HSH2D: variants seen among roughly 807,000 people sequenced by gnomAD.
HSH2D encodes hematopoietic SH2 domain containing.
Under a neutral mutation model 21.5 loss-of-function variants are expected in HSH2D, and 16 were observed. The ratio of observed to expected loss-of-function variants is 0.74; its 90% CI spans 0.50 to 1.13. The LOEUF (loss-of-function observed/expected upper bound fraction) is 1.13, where lower values mean the gene tolerates loss of function less well. Among genes scored for constraint, HSH2D ranks in the 50% most tolerant of loss-of-function variants. The pLI is 0.00. For missense variants in HSH2D, 418 were observed against 441.4 expected (o/e 0.95, Z 0.47); for synonymous variants, 172 against 184.7 (o/e 0.93, Z 0.56).
rs372983878 is a variant in HSH2D, at chr19:16,157,309, C to A, written c.574C>A (p.Pro192Thr). 30 of 1,612,962 alleles carry A rather than the reference C, an allele frequency of 1.9e-5. No homozygotes were observed. The highest frequency in any genetic ancestry group is 1.2e-4 in the South Asian group (11 of 90,990). ...CAAGGAAGCCACTTCCTCCTGCCCCCCAAAATCCCCTCTTGGAGAGACCCG... is the reference window on the plus strand; with the variant it reads ...CAAGGAAGCCACTTCCTCCTGCCCCACAAAATCCCCTCTTGGAGAGACCCG... Reference protein sequence around the residue: ...TTKEATSSCPPKSPLGETRQK... With the variant: ...TTKEATSSCPTKSPLGETRQK... The change falls in exon 6 of 6, where the codon CCA becomes ACA. Residue 192 changes from proline (P) to threonine (T), a missense_variant. Physicochemically the swap from Pro to Thr is conservative, Grantham distance 38 (BLOSUM62 -1). Coordinates refer to ENST00000613986, the MANE Select transcript of HSH2D (RefSeq NM_001382417.1). The surrounding 1 kb of genome is among the most constrained non-coding windows in gnomAD (Gnocchi z 4.4).
In HSH2D at chr19:16,148,706, C is replaced by T; in HGVS notation, c.-27-18C>T. ...TGCATCAAGCTTGATTCTTGTCTTCCCTCCCTTCTCTACCCAGGTGACCTT... is the reference window on the plus strand; with the variant it reads ...TGCATCAAGCTTGATTCTTGTCTTCTCTCCCTTCTCTACCCAGGTGACCTT... On this transcript the variant is annotated intron_variant, in intron 1 of 5. Transcript: ENST00000613986. 1 of 1,612,590 alleles carries T rather than the reference C, an allele frequency of 6.2e-7. No homozygotes were observed. The highest frequency in any genetic ancestry group is 8.5e-7 in the Non-Finnish European group (1 of 1,178,992).
intron 1 of HSH2D, among the ~76,000 whole-genome samples, chr19:16,137,678 C>T (rs1311920585): frequency 6.6e-6 from 1 of 152,006 alleles, no homozygotes; most frequent in Non-Finnish European, 1.5e-5. Flanking sequence ...ACCTCCCAGG[C>T]TCAAGTGATC....
At chr19:16,155,085 A>ATCTGT (rs2091220394) in intron 5 of HSH2D, among the ~76,000 whole-genome samples, 1 of 152,286 alleles carries the variant, frequency 6.6e-6, no homozygotes, top group African/African-American at 2.4e-5. Context: ...GCCATATTGA[A>ATCTGT]GGTGCTTAAC....
At chr19:16,147,959 T>TTTG (rs541339961) in intron 1 of HSH2D, among the ~76,000 whole-genome samples, 2 of 151,166 alleles carry the variant, frequency 1.3e-5, no homozygotes, top group Non-Finnish European at 1.5e-5. Flanking sequence ...AAGCCAGTTT[T>TTTG]TTGTTGTTGT....
At chr19:16,149,401 C>T (rs1402833500) in intron 2 of HSH2D, among the ~76,000 whole-genome samples, 1 of 152,056 alleles carries the variant, frequency 6.6e-6, no homozygotes, top group African/African-American at 2.4e-5. Flanking sequence ...TAGGGTTTCA[C>T]CATGTTGGCC....
At chr19:16,152,268 A>T (rs1249181438) in intron 2 of HSH2D, among the ~76,000 whole-genome samples, 3 of 151,748 alleles carry the variant, frequency 2.0e-5, no homozygotes, top group Non-Finnish European at 4.4e-5. Context: ...TATACAAAAA[A>T]TTAGCCGGGC....
At chr19:16,152,682 T>C in intron 3 of HSH2D, 41 bp downstream of exon 3, 1 of 1,467,240 alleles carries the variant, frequency 6.8e-7, no homozygotes, top group Non-Finnish European at 9.3e-7. Flanking sequence ...GCAGGTGGGC[T>C]CTTGGGTTTC....
chr19:16,146,639 G>A, intron 1 of HSH2D, among the ~76,000 whole-genome samples: 1 of 151,912 alleles, frequency 6.6e-6, no homozygotes, highest in East Asian at 1.9e-4. Flanking sequence ...AGCTGTGATT[G>A]CACCATTGCA....
At chr19:16,147,628 G>GT (rs936878382) in intron 1 of HSH2D, among the ~76,000 whole-genome samples, 354 of 148,030 alleles carry the variant, frequency 2.4e-3, no homozygotes, top group Middle Eastern at 6.8e-3. Context: ...CAAGCCAGTG[G>GT]TTTTTTTTTT....
intron 1 of HSH2D, among the ~76,000 whole-genome samples, chr19:16,146,797 T>A (rs1490772372): frequency 6.6e-6 from 1 of 152,102 alleles, no homozygotes; most frequent in Non-Finnish European, 1.5e-5. Flanking sequence ...TCCAGGGGCC[T>A]TGATATTTAC....
chr19:16,151,765 GAA>G (rs746775825), intron 2 of HSH2D, among the ~76,000 whole-genome samples: 17 of 61,308 alleles, frequency 2.8e-4, no homozygotes, highest in African/African-American at 7.0e-4. Context: ...TGCCACAGCT[GAA>G]AAAAAAAAAA....
At chr19:16,142,766 G>GT (rs1198331180), upstream of HSH2D, among the ~76,000 whole-genome samples, 1 of 151,532 alleles carries the variant, frequency 6.6e-6, no homozygotes, top group Non-Finnish European at 1.5e-5. Context: ...CCCAGCTGGT[G>GT]TTTTTTTGTT....
intron 1 of HSH2D, among the ~76,000 whole-genome samples, chr19:16,138,380 G>A (rs766746229): frequency 6.6e-5 from 10 of 152,134 alleles, no homozygotes; most frequent in East Asian, 3.9e-4. Flanking sequence ...TGTTTCCACC[G>A]TTTGGACACC....
At chr19:16,137,838 G>T (rs1025182508) in intron 1 of HSH2D, among the ~76,000 whole-genome samples, 4 of 152,084 alleles carry the variant, frequency 2.6e-5, no homozygotes, top group South Asian at 2.1e-4. Flanking sequence ...GCCTCCCAAA[G>T]TGTTGGGATT....
At chr19:16,139,645 A>T (rs573809747), upstream of HSH2D, 1 of 152,324 alleles carries the variant, frequency 6.6e-6, no homozygotes, top group East Asian at 1.9e-4. Flanking sequence ...CCTGACATGT[A>T]TGGGCCCAGC....
rs1599402327 is a variant in HSH2D at position 16,134,466 on chromosome 19, A to C, written c.-324+231A>C. On this transcript the variant is annotated intron_variant, in intron 1 of 7. Coordinates refer to the HSH2D transcript ENST00000616645. ...TTACCAACTGCAGGCCCACCTTGCCAGCAGGCCTTTCTCAGGAAGCAGCCT... is the reference window on the plus strand; with the variant it reads ...TTACCAACTGCAGGCCCACCTTGCCCGCAGGCCTTTCTCAGGAAGCAGCCT... 2.6e-5 allele frequency among the ~76,000 whole-genome samples: 4 copies of C among 152,354 alleles called. No homozygotes were observed. In the South Asian group the frequency reaches 8.3e-4, roughly 32 times the overall value.
At position 16,148,792 on chromosome 19, in the gene HSH2D, G is replaced by A. The variant is rs768491386; in HGVS notation, c.42G>A (p.Arg14=). 3 of 1,613,840 alleles carry A rather than the reference G, an allele frequency of 1.9e-6. No homozygotes were observed. The highest frequency in any genetic ancestry group is 2.2e-5 in the East Asian group (1 of 44,862). ...AGCTGCCCCTACCGCTACCCCCACG[G>A]CTGGACTGGTTTGTGCACACCCAGA... ...AGKLPLPLPP[R]LDWFVHTQMG... Residue 14 remains arginine, a synonymous_variant, in exon 2 of 6, where the codon CGG becomes CGA. Transcript: ENST00000613986.
chr19:16,139,358 T>A (rs1340337651), upstream of HSH2D, among the ~76,000 whole-genome samples: 1 of 152,154 alleles, frequency 6.6e-6, no homozygotes, highest in Admixed American at 6.5e-5. Context: ...GGTGTGAGGA[T>A]TGCTTGAGCT....
chr19:16,136,914 T>A (rs961553480), intron 1 of HSH2D, among the ~76,000 whole-genome samples: 1 of 152,242 alleles, frequency 6.6e-6, no homozygotes, highest in Non-Finnish European at 1.5e-5. Context: ...CAGGCATCTA[T>A]AAAATCCCCT....
Sources: allele counts gnomAD v4.1 joint callset (sites outside exome capture counted in the v4.1 genomes callset), GRCh38; gene constraint gnomAD v4.1.1; non-coding constraint Gnocchi (gnomAD v3.1); transcripts MANE v1.5; gene names NCBI Gene and HGNC (gene_info 2026-07-23, HGNC 2026-07-21).